Variants in DOCK2 observed in about 807,000 individuals in gnomAD.
DOCK2 encodes dedicator of cytokinesis protein 2.
DOCK2 carries 87 observed loss-of-function variants against 248.9 expected under a neutral mutation model. The ratio of observed to expected loss-of-function variants is 0.35; its 90% confidence interval spans 0.29 to 0.42. DOCK2 has a LOEUF of 0.42. DOCK2 is among the 10% of genes least tolerant of loss of function. DOCK2 has a pLI of 1.00. For missense variants in DOCK2, 1,747 were observed against 2,300.2 expected, an observed-to-expected ratio of 0.76 and a Z score of 4.92; for synonymous variants, 805 against 821.6, an observed-to-expected ratio of 0.98 and a Z score of 0.35.
chr5:169,933,386 G>A (rs1168547515), intron 27 of DOCK2, among the ~76,000 whole-genome samples: 1 of 152,208 alleles, frequency 6.6e-6, no homozygotes, highest in East Asian at 1.9e-4. Flanking sequence ...AGATGGGCTG[G>A]CATCCAAGGT....
chr5:169,768,850 G>A (rs1764933012), intron 25 of DOCK2, among the ~76,000 whole-genome samples: 1 of 152,160 alleles, frequency 6.6e-6, no homozygotes, highest in Non-Finnish European at 1.5e-5. Context: ...TATAGTGCCT[G>A]GAATACCTTC....
In DOCK2 at chr5:170,082,675, T is replaced by G. The variant is rs1758075759; in HGVS notation, c.5431-121T>G. On this transcript the variant is annotated intron_variant, in intron 51 of 51. Transcript: ENST00000520908. Reference sequence around the variant, plus strand: ...AAAGCCAAGGGCATAGCAGCTCACATTCACTGGGCTTTGGGCAGGGGTCAG... The same window carrying G: ...AAAGCCAAGGGCATAGCAGCTCACAGTCACTGGGCTTTGGGCAGGGGTCAG... The G allele has an allele frequency of 9.5e-6, 12 of 1,263,080 alleles. No homozygotes were observed. The South Asian group carries it at 1.3e-4, about 14-fold the overall frequency. 78.2% of individuals were successfully genotyped at this position (1,263,080 alleles called of 1,614,324 possible).
chr5:170,039,764 G>A (rs541423335), intron 36 of DOCK2, among the ~76,000 whole-genome samples: 1 of 152,356 alleles, frequency 6.6e-6, no homozygotes, highest in Admixed American at 6.5e-5. Flanking sequence ...CACGCATTGA[G>A]TGGAGATACC....
intron 34 of DOCK2, among the ~76,000 whole-genome samples, chr5:170,029,191 C>T (rs1756036108): frequency 6.6e-6 from 1 of 152,142 alleles, no homozygotes; most frequent in African/African-American, 2.4e-5. Flanking sequence ...TATATTTCTA[C>T]CAGCAATGTA....
Position 169,747,520 on chromosome 5 carries a change from A to G in DOCK2, c.2376+16A>G, listed in dbSNP as rs1763677401. On this transcript the variant is annotated intron_variant, in intron 23 of 51. Transcript: ENST00000520908. The stretch of plus-strand genomic sequence containing the variant: ...CCTTTTGCAGGTTGGTTTATGCTAC[A>G]ATAAAATCTATCTTCTCCTTGGCCA... The G allele has an allele frequency of 5.6e-6, 9 of 1,597,236 alleles. No homozygotes were observed. The highest frequency in any genetic ancestry group is 2.2e-5 in the East Asian group (1 of 44,684).
At chr5:169,808,524 T>G (rs899218708) in intron 26 of DOCK2, among the ~76,000 whole-genome samples, 4 of 152,082 alleles carry the variant, frequency 2.6e-5, no homozygotes, top group African/African-American at 9.7e-5. Flanking sequence ...TCTCTTAGCA[T>G]ATGAAAGGGA....
At chr5:170,020,104 G>A (rs965254783) in intron 33 of DOCK2, among the ~76,000 whole-genome samples, 6 of 152,032 alleles carry the variant, frequency 3.9e-5, no homozygotes, top group African/African-American at 9.7e-5. Context: ...CAGCATCCCC[G>A]GCCCTCCCGG....
intron 27 of DOCK2, among the ~76,000 whole-genome samples, chr5:169,950,454 G>A (rs557090076): frequency 6.6e-6 from 1 of 152,248 alleles, no homozygotes; most frequent in East Asian, 1.9e-4. Flanking sequence ...ACAAACCTAG[G>A]TAAACAGAAG....
intron 27 of DOCK2, among the ~76,000 whole-genome samples, chr5:169,861,623 T>G (rs147659441): frequency 6.6e-6 from 1 of 152,216 alleles, no homozygotes; most frequent in Non-Finnish European, 1.5e-5. Flanking sequence ...AATATCATGG[T>G]AGATGTTACG....
intron 25 of DOCK2, among the ~76,000 whole-genome samples, chr5:169,793,797 C>T (rs1766490489): frequency 6.6e-6 from 1 of 152,146 alleles, no homozygotes; most frequent in African/African-American, 2.4e-5. Flanking sequence ...ACATTTGTGT[C>T]CACATCATTC....
At chr5:169,723,779 G>A (rs1762329500) in intron 22 of DOCK2, among the ~76,000 whole-genome samples, 1 of 152,026 alleles carries the variant, frequency 6.6e-6, no homozygotes, top group African/African-American at 2.4e-5. Flanking sequence ...TCCTTTTGAT[G>A]TCTTTTTCTC....
chr5:170,041,943 A>G (rs563390739), intron 37 of DOCK2, 70 bp from the exon 38 acceptor site: 1 of 1,563,754 alleles, frequency 6.4e-7, no homozygotes, highest in Non-Finnish European at 8.7e-7. Flanking sequence ...TCCTGCCTTT[A>G]ATCCTAGGAA....
chr5:169,657,619 C>T (rs1758196653), intron 2 of DOCK2, among the ~76,000 whole-genome samples: 1 of 152,196 alleles, frequency 6.6e-6, no homozygotes, highest in African/African-American at 2.4e-5. Flanking sequence ...CCAACCACTT[C>T]CTTCAGTCAT....
At chr5:169,909,433 A>G (rs923513535) in intron 27 of DOCK2, among the ~76,000 whole-genome samples, 1 of 152,234 alleles carries the variant, frequency 6.6e-6, no homozygotes, top group South Asian at 2.1e-4. Context: ...ATTTAAAAAA[A>G]TCTAAGTTTT....
intron 8 of DOCK2, 23 bp from the exon 9 acceptor site, chr5:169,689,229 G>A (rs1191040112): frequency 6.2e-7 from 1 of 1,611,472 alleles, no homozygotes; most frequent in East Asian, 2.2e-5. Flanking sequence ...GGCAGTAACG[G>A]GCTGCCACTC....
chr5:169,828,499 A>G (rs1769018286), intron 26 of DOCK2, among the ~76,000 whole-genome samples: 2 of 152,266 alleles, frequency 1.3e-5, no homozygotes, highest in Non-Finnish European at 1.5e-5. Flanking sequence ...TGATTTGGGG[A>G]AACCCTGCTG....
intron 25 of DOCK2, among the ~76,000 whole-genome samples, chr5:169,795,573 A>C (rs1011022673): frequency 1.3e-5 from 2 of 152,080 alleles, no homozygotes; most frequent in African/African-American, 4.8e-5. Flanking sequence ...TGGAATATGA[A>C]ATTTGTGGGT....
chr5:169,817,175 G>A (rs553032346), intron 26 of DOCK2, among the ~76,000 whole-genome samples: 9 of 152,252 alleles, frequency 5.9e-5, no homozygotes, highest in East Asian at 1.9e-4. Flanking sequence ...TTTTAGCTCC[G>A]TCTCACTCAC....
intron 2 of DOCK2, among the ~76,000 whole-genome samples, chr5:169,667,201 C>G (rs1758785672): frequency 6.6e-6 from 1 of 152,144 alleles, no homozygotes; most frequent in South Asian, 2.1e-4. Flanking sequence ...TGACCTTAGC[C>G]ATCATGTGGG....
Sources: gnomAD v4.1 joint callset for allele counts (sites outside exome capture counted in the v4.1 genomes callset) on GRCh38, gnomAD v4.1.1 for gene constraint, MANE v1.5 for transcripts, NCBI Gene and HGNC (gene_info 2026-07-23, HGNC 2026-07-21) for gene names.